Variants in CDH11 observed in about 807,000 individuals in gnomAD.
CDH11 encodes cadherin 11.
CDH11 carries 11 observed loss-of-function variants against 67.8 expected under a neutral mutation model. That is an observed-to-expected ratio of 0.16 (90% CI 0.10 to 0.27). The LOEUF is 0.27. Among genes scored for constraint, CDH11 ranks in the 10% least tolerant of loss-of-function variants. CDH11 has a pLI of 1.00. For synonymous variants in CDH11, 419 were observed against 400.0 expected, an observed-to-expected ratio of 1.05 and a Z score of -0.57; for missense variants, 847 against 1,031.2, an observed-to-expected ratio of 0.82 and a Z score of 2.45.
chr16:65,067,356 T>C (rs1003965810), intron 1 of CDH11, among the ~76,000 whole-genome samples: 2 of 152,182 alleles, frequency 1.3e-5, no homozygotes, highest in Non-Finnish European at 1.5e-5. Context: ...ACAATGTAAG[T>C]AGAGCACACA....
chr16:65,104,818 C>A (rs939503348), intron 1 of CDH11, among the ~76,000 whole-genome samples: 5 of 152,128 alleles, frequency 3.3e-5, no homozygotes, highest in Non-Finnish European at 5.9e-5. Context: ...TCACTCTGTG[C>A]CCCATTTGTT....
At chr16:65,096,343 A>T (rs2074889988) in intron 1 of CDH11, among the ~76,000 whole-genome samples, 1 of 152,022 alleles carries the variant, frequency 6.6e-6, no homozygotes, top group Non-Finnish European at 1.5e-5. Flanking sequence ...TTGTTAAAAC[A>T]GGCCAAACAG....
intron 4 of CDH11, among the ~76,000 whole-genome samples, chr16:64,996,637 C>T (rs2072773602): frequency 6.6e-6 from 1 of 152,160 alleles, no homozygotes; most frequent in Non-Finnish European, 1.5e-5. Flanking sequence ...GACATGGAGT[C>T]AACCAAGGTG....
intron 1 of CDH11, among the ~76,000 whole-genome samples, chr16:65,090,025 G>A (rs1242075313): frequency 6.6e-6 from 1 of 152,062 alleles, no homozygotes; most frequent in Admixed American, 6.6e-5. Context: ...CCCCTAAGTT[G>A]TCACTAAATA....
chr16:65,072,435 C>T (rs975816160), intron 1 of CDH11, among the ~76,000 whole-genome samples: 16 of 152,208 alleles, frequency 1.1e-4, no homozygotes, highest in Non-Finnish European at 1.8e-4. Flanking sequence ...CCCCAGCCCA[C>T]GGCAGGGTCC....
chr16:64,957,599 T>TACAC (rs1412102636), intron 11 of CDH11, among the ~76,000 whole-genome samples: 7 of 47,324 alleles, frequency 1.5e-4, no homozygotes, highest in African/African-American at 7.7e-4. Context: ...CACATGCCCG[T>TACAC]GCACACACAC....
chr16:64,945,837 T>A lies in CDH11; in HGVS notation c.*1766A>T. On this transcript the variant is annotated 3_prime_UTR_variant, in exon 13 of 13. Transcript: ENST00000268603. ...AAATGCTTGAAACAAACTTTCACAA[T>A]AAAGTCAGAAAAAAACTGTAAAAAT... 9.5e-7 allele frequency: 1 copy of A among 1,051,748 alleles called. No homozygotes were observed. Among genetic ancestry groups the A allele is most frequent in the Non-Finnish European group, 1.1e-6 (1 of 870,826 alleles). 65.2% of individuals were successfully genotyped at this position (1,051,748 alleles called of 1,614,324 possible).
chr16:65,093,799 G>A (rs1412338739), intron 1 of CDH11, among the ~76,000 whole-genome samples: 5 of 152,036 alleles, frequency 3.3e-5, no homozygotes, highest in Non-Finnish European at 7.4e-5. Context: ...GTTCTTATAC[G>A]TACTATAATG....
intron 1 of CDH11, among the ~76,000 whole-genome samples, chr16:65,079,922 A>C (rs577924426): frequency 1.3e-5 from 2 of 152,356 alleles, no homozygotes; most frequent in Admixed American, 1.3e-4. Context: ...CTCAGCTCAA[A>C]TTGCATTATA....
At chr16:65,006,669 C>T (rs748975583) in intron 2 of CDH11, among the ~76,000 whole-genome samples, 12 of 152,130 alleles carry the variant, frequency 7.9e-5, no homozygotes, top group Non-Finnish European at 1.5e-4. Context: ...CAAGAAACCA[C>T]TGATGGTTAC....
rs1229772913 is a variant in CDH11, at chr16:64,945,238, T to G, written c.*2365A>C. 3.7e-6 allele frequency: 1 copy of G among 272,170 alleles called. No homozygotes were observed. The highest frequency in any genetic ancestry group is 6.1e-6 in the Non-Finnish European group (1 of 163,908). 16.9% of individuals were successfully genotyped at this position (272,170 alleles called of 1,614,324 possible). A position where few individuals can be genotyped will look rare whatever the true frequency, so the allele number is the denominator to read the frequency against. ...AGGACTCCACTAGTTGGGAAAGACA[T>G]TTTATTTCCAAGTTTCTAAGAGTGT... On this transcript the variant is annotated 3_prime_UTR_variant, in exon 13 of 13. Transcript: ENST00000268603.
chr16:65,118,687 G>C (rs1340832023), intron 1 of CDH11: 1 of 151,244 alleles, frequency 6.6e-6, no homozygotes, highest in Non-Finnish European at 1.5e-5. Flanking sequence ...AAATTTTCTA[G>C]GAAAAAAAAA....
chr16:65,057,557 A>G (rs1042905090), intron 1 of CDH11, among the ~76,000 whole-genome samples: 1 of 152,128 alleles, frequency 6.6e-6, no homozygotes, highest in Non-Finnish European at 1.5e-5. Flanking sequence ...CAAGGAAGAC[A>G]GTCAGTGGAG....
intron 2 of CDH11, among the ~76,000 whole-genome samples, chr16:65,033,591 G>C (rs950092302): frequency 6.6e-6 from 1 of 151,962 alleles, no homozygotes; most frequent in African/African-American, 2.4e-5. Flanking sequence ...ACAAGAATTA[G>C]CCAGGCATGG....
At chr16:65,120,032 G>T (rs1430288393) in intron 1 of CDH11, among the ~76,000 whole-genome samples, 1 of 152,148 alleles carries the variant, frequency 6.6e-6, no homozygotes, top group Admixed American at 6.5e-5. Context: ...AGTGCTTCTC[G>T]TATTGGCCAC....
intron 2 of CDH11, among the ~76,000 whole-genome samples, chr16:65,045,280 GC>G (rs2073934833): frequency 7.0e-6 from 1 of 142,194 alleles, no homozygotes; most frequent in Admixed American, 7.2e-5. Context: ...CTTCTCACAA[GC>G]CCTTGCAAGA....
intron 2 of CDH11, among the ~76,000 whole-genome samples, chr16:65,047,589 A>T (rs2073985023): frequency 6.6e-6 from 1 of 151,994 alleles, no homozygotes; most frequent in Non-Finnish European, 1.5e-5. Flanking sequence ...TGACCTTGTG[A>T]TCTGCCCACC....
upstream of CDH11, chr16:65,122,301 T>G: frequency 3.1e-6 from 1 of 323,220 alleles, no homozygotes; most frequent in Non-Finnish European, 5.8e-6. Flanking sequence ...AACCCCTGGA[T>G]TCGTGGCCGC....
intron 2 of CDH11, among the ~76,000 whole-genome samples, chr16:65,041,182 A>G (rs9921084): frequency 0.9 from 136,814 of 152,178 alleles, 61,581 homozygotes; most frequent in East Asian, 1. Flanking sequence ...CCAAATAGAC[A>G]GTATGTTCTT....
Sources: allele counts gnomAD v4.1 joint callset (sites outside exome capture counted in the v4.1 genomes callset), GRCh38; gene constraint gnomAD v4.1.1; transcripts MANE v1.5; gene names NCBI Gene and HGNC (gene_info 2026-07-23, HGNC 2026-07-21).